KCNMA1: variants seen among roughly 807,000 people sequenced by gnomAD.
The protein encoded by KCNMA1 is potassium calcium-activated channel subfamily M alpha 1.
In KCNMA1, 29 loss-of-function variants were observed where a neutral mutation model predicts 140.0. The observed-to-expected ratio is 0.21, with a 90% CI of 0.15 to 0.28. The LOEUF is 0.28. KCNMA1 is among the 10% of genes least tolerant of loss of function. The probability of loss-of-function intolerance (pLI) is 1.00; values close to 1 mark genes in which losing one functional copy is unlikely to be tolerated. For synonymous variants in KCNMA1, 612 were observed against 611.9 expected (o/e 1.00, Z 0.00); for missense variants, 880 against 1,602.2 (o/e 0.55, Z 7.70).
chr10:77,017,853 T>G (rs944831785), intron 17 of KCNMA1, among the ~76,000 whole-genome samples: 2 of 143,420 alleles, frequency 1.4e-5, no homozygotes, highest in African/African-American at 2.6e-5. Context: ...GAAAGAGTAA[T>G]GCTACCTATC....
chr10:77,392,733 C>T (rs1439173902), intron 2 of KCNMA1, among the ~76,000 whole-genome samples: 4 of 152,206 alleles, frequency 2.6e-5, no homozygotes, highest in African/African-American at 9.6e-5. Flanking sequence ...TTCTGGTGAC[C>T]TCACACGCTT....
At chr10:77,051,383 G>C (rs952356682) in intron 14 of KCNMA1, among the ~76,000 whole-genome samples, 1 of 152,216 alleles carries the variant, frequency 6.6e-6, no homozygotes, top group Non-Finnish European at 1.5e-5. Flanking sequence ...GTATCAGAGT[G>C]ATTGGGAAGC....
chr10:77,448,382 A>G (rs1004181753), intron 1 of KCNMA1, among the ~76,000 whole-genome samples: 12 of 152,242 alleles, frequency 7.9e-5, no homozygotes, highest in African/African-American at 2.9e-4. Flanking sequence ...CATGACACAG[A>G]GAACAGGCAA....
intron 2 of KCNMA1, among the ~76,000 whole-genome samples, chr10:77,398,477 G>C (rs940332366): frequency 6.6e-6 from 1 of 152,130 alleles, no homozygotes; most frequent in Admixed American, 6.5e-5. Context: ...TCATATGCTT[G>C]TTGGCCATTC....
intron 1 of KCNMA1, among the ~76,000 whole-genome samples, chr10:77,457,061 T>C (rs2097772998): frequency 6.6e-6 from 1 of 152,154 alleles, no homozygotes. Flanking sequence ...TGTGCTTACA[T>C]AGAGACAAAA....
intron 18 of KCNMA1, among the ~76,000 whole-genome samples, chr10:77,005,464 A>G (rs2088156234): frequency 6.6e-6 from 1 of 152,190 alleles, no homozygotes; most frequent in Non-Finnish European, 1.5e-5. Context: ...GTGAACACCA[A>G]AGCTACTTGT....
intron 1 of KCNMA1, among the ~76,000 whole-genome samples, chr10:77,526,488 CT>C (rs1373329616): frequency 6.6e-6 from 1 of 152,202 alleles, no homozygotes; most frequent in African/African-American, 2.4e-5. Flanking sequence ...GCCTGACATC[CT>C]TTCTTTCTCA....
downstream of KCNMA1, chr10:76,876,337 G>T (rs980728480): frequency 3.9e-5 from 6 of 152,580 alleles, no homozygotes; most frequent in African/African-American, 1.4e-4. Context: ...CAGAGACCTT[G>T]ATGATCATAT....
At chr10:77,546,074 C>T (rs938701108) in intron 1 of KCNMA1, among the ~76,000 whole-genome samples, 41 of 152,174 alleles carry the variant, frequency 2.7e-4, no homozygotes, top group Admixed American at 2.6e-3. Context: ...AGGAGAGACA[C>T]CCAACACCAC....
intron 1 of KCNMA1, among the ~76,000 whole-genome samples, chr10:77,438,232 A>T (rs925223673): frequency 1.3e-5 from 2 of 151,948 alleles, no homozygotes; most frequent in African/African-American, 4.8e-5. Context: ...AGAAAACTAG[A>T]CTTTCATGTG....
At chr10:77,218,698 A>C (rs959340270) in intron 3 of KCNMA1, among the ~76,000 whole-genome samples, 1 of 152,100 alleles carries the variant, frequency 6.6e-6, no homozygotes, top group Non-Finnish European at 1.5e-5. Flanking sequence ...TGATTTATTT[A>C]TTTATTGAGA....
intron 16 of KCNMA1, among the ~76,000 whole-genome samples, chr10:77,025,240 GTGTATATATATATA>G (rs1229079345): frequency 0.02 from 1,281 of 65,376 alleles, 101 homozygotes; most frequent in African/African-American, 0.06. Context: ...AGGGGTGTGT[GTGTATATATATATA>G]TATATATATA....
At chr10:77,232,687 C>A (rs959913029) in intron 3 of KCNMA1, among the ~76,000 whole-genome samples, 1 of 152,008 alleles carries the variant, frequency 6.6e-6, no homozygotes, top group African/African-American at 2.4e-5. Flanking sequence ...TCTACTTTTT[C>A]TTTTGTTGCT....
rs566352761 is a variant in KCNMA1, at chr10:77,031,771, C to G, written c.1860-3880G>C. ...GTGGTAATCACTTGTTTGCTTATCT[C>G]TCCCCTCTAGACTGAGTTTTTCCTG... On this transcript the variant is annotated intron_variant, in intron 15 of 27. Coordinates refer to ENST00000286628, the MANE Select transcript of KCNMA1 (RefSeq NM_001161352.2). Among the ~76,000 whole-genome samples, 19 of 152,330 alleles carry G rather than the reference C, an allele frequency of 1.2e-4. No individual in the cohort carries two copies. The South Asian group carries it at 3.9e-3, about 32-fold the overall frequency.
chr10:77,282,434 T>G (rs2068986075), intron 2 of KCNMA1, among the ~76,000 whole-genome samples: 1 of 152,208 alleles, frequency 6.6e-6, no homozygotes, highest in African/African-American at 2.4e-5. Flanking sequence ...GAAGGATGAC[T>G]CTTATTCTTC....
At chr10:76,998,633 A>T (rs376804135) in intron 19 of KCNMA1, among the ~76,000 whole-genome samples, 20 of 152,230 alleles carry the variant, frequency 1.3e-4, no homozygotes, top group Admixed American at 1.1e-3. Context: ...TTCTCCTGCC[A>T]TTTCTAATTG....
intron 7 of KCNMA1, among the ~76,000 whole-genome samples, chr10:77,111,731 T>C (rs2097329975): frequency 6.6e-6 from 1 of 152,156 alleles, no homozygotes; most frequent in Non-Finnish European, 1.5e-5. Flanking sequence ...TTATCCAAAG[T>C]CTCAGAGCTA....
chr10:77,521,979 C>A (rs1321021360), intron 1 of KCNMA1, among the ~76,000 whole-genome samples: 1 of 152,110 alleles, frequency 6.6e-6, no homozygotes, highest in Non-Finnish European at 1.5e-5. Context: ...AGTTTCAGAC[C>A]AGCCTGGCCA....
chr10:77,517,199 A>G (rs925990333), intron 1 of KCNMA1, among the ~76,000 whole-genome samples: 6 of 152,116 alleles, frequency 3.9e-5, no homozygotes, highest in Non-Finnish European at 5.9e-5. Context: ...TCCCTCTATG[A>G]AGAGCTGCCT....
Sources: gnomAD v4.1 joint callset for allele counts (sites outside exome capture counted in the v4.1 genomes callset) on GRCh38, gnomAD v4.1.1 for gene constraint, MANE v1.5 for transcripts, NCBI Gene and HGNC (gene_info 2026-07-23, HGNC 2026-07-21) for gene names.